The following CNMD variants were observed in gnomAD, a reference collection of about 807,000 sequenced individuals.
The protein encoded by CNMD is chondromodulin.
CNMD carries 30 observed loss-of-function variants against 37.5 expected under a neutral mutation model. The observed-to-expected ratio is 0.80, with a 90% CI of 0.60 to 1.09. CNMD has a LOEUF of 1.09. CNMD is among the 50% of genes least tolerant of loss of function. The pLI is 0.00. For missense variants in CNMD, 398 were observed against 423.9 expected (o/e 0.94, Z 0.54); for synonymous variants, 167 against 148.2 (o/e 1.13, Z -0.92).
At chr13:52,711,939 T>C (rs1303815649) in intron 5 of CNMD, among the ~76,000 whole-genome samples, 1 of 106,828 alleles carries the variant, frequency 9.4e-6, no homozygotes, top group Non-Finnish European at 2.0e-5. Context: ...ATTTCCATGC[T>C]GCTGTCTGCT....
chr13:52,730,394 C>T (rs112561000), intron 3 of CNMD, among the ~76,000 whole-genome samples: 5,936 of 152,116 alleles, frequency 0.039, 158 homozygotes, highest in Admixed American at 0.093. Flanking sequence ...TGAGTAATCG[C>T]CACACTGACT....
intron 5 of CNMD, among the ~76,000 whole-genome samples, chr13:52,709,864 T>C (rs1254033391): frequency 2.0e-5 from 3 of 152,056 alleles, no homozygotes; most frequent in Non-Finnish European, 4.4e-5. Context: ...TCCCAGCTAC[T>C]TGGGAGGCTG....
chr13:52,725,974 A>C (rs549224925), intron 3 of CNMD, among the ~76,000 whole-genome samples: 2 of 152,334 alleles, frequency 1.3e-5, no homozygotes, highest in African/African-American at 4.8e-5. Flanking sequence ...TTCTTCCTCA[A>C]GCTCTTTATT....
chr13:52,739,698 T>C lies in CNMD; in HGVS notation c.4A>G (p.Thr2Ala). The change falls in exon 1 of 7, where the codon ACA becomes GCA. Residue 2 changes from threonine (T) to alanine (A), a missense_variant. Thr to Ala is a moderately conservative substitution (Grantham distance 58). Coordinates refer to ENST00000377962, the MANE Select transcript of CNMD (RefSeq NM_007015.3). This position sits in a 1 kb window ranked among gnomAD's most constrained non-coding sequence, Gnocchi z 5.4. Reference sequence around the variant, plus strand: ...ATGGGAACTTTGTCGGAGTTCTCTGTCATGTTTGCGGCGGGAGGAGTGAGG... The same window carrying C: ...ATGGGAACTTTGTCGGAGTTCTCTGCCATGTTTGCGGCGGGAGGAGTGAGG... Reference protein sequence around the residue: MTENSDKVPIAL... With the variant: MAENSDKVPIAL... 6.2e-7 allele frequency: 1 copy of C among 1,614,098 alleles called. No homozygotes were observed. Among genetic ancestry groups the C allele is most frequent in the Non-Finnish European group, 8.5e-7 (1 of 1,179,968 alleles).
chr13:52,724,300 G>A (rs769280024), intron 3 of CNMD, among the ~76,000 whole-genome samples, 190 bp from the exon 4 acceptor site: 14 of 151,802 alleles, frequency 9.2e-5, no homozygotes, highest in East Asian at 3.9e-4. Flanking sequence ...GCGGCCTGGC[G>A]CGGTGGCTCA....
chr13:52,724,090 A>G lies in CNMD; in HGVS notation c.375T>C (p.Phe125=). The G allele has an allele frequency of 6.2e-7, 1 of 1,613,804 alleles. No individual in the cohort carries two copies. ...DFQNGITGIR[F]AGGEKCYIKA... The stretch of plus-strand genomic sequence containing the variant: ...TAATGTAGCACTTCTCTCCTCCAGC[A>G]AAACGAATTCCTGTGATGCCCTATG... The change falls in exon 4 of 7, where the codon TTT becomes TTC. Residue 125 remains phenylalanine, a synonymous_variant. Transcript: ENST00000377962.
intron 6 of CNMD, among the ~76,000 whole-genome samples, chr13:52,705,898 T>C (rs1175202404): frequency 6.6e-6 from 1 of 152,234 alleles, no homozygotes; most frequent in African/African-American, 2.4e-5. Flanking sequence ...GTATTAAATT[T>C]TATTTGCCTA....
At chr13:52,704,009 T>C (rs954178933) in intron 6 of CNMD, among the ~76,000 whole-genome samples, 199 bp from the exon 7 acceptor site, 3 of 152,242 alleles carry the variant, frequency 2.0e-5, no homozygotes, top group Admixed American at 6.5e-5. Context: ...CCAAGGAATC[T>C]ACACCTACCT....
intron 5 of CNMD, among the ~76,000 whole-genome samples, chr13:52,709,470 G>A (rs1392218938): frequency 6.6e-6 from 1 of 152,194 alleles, no homozygotes; most frequent in African/African-American, 2.4e-5. Context: ...GTTTGCAAGG[G>A]AAATATCTTG....
At chr13:52,708,730 T>C (rs759332864) in intron 5 of CNMD, 28 bp from the exon 6 acceptor site, 1 of 1,513,334 alleles carries the variant, frequency 6.6e-7, no homozygotes, top group East Asian at 2.3e-5. Context: ...AATTAATCCC[T>C]TTATTTGAAT....
chr13:52,728,529 G>C (rs1964612953), intron 3 of CNMD, among the ~76,000 whole-genome samples: 1 of 152,178 alleles, frequency 6.6e-6, no homozygotes, highest in Admixed American at 6.5e-5. Flanking sequence ...AGGAATACAC[G>C]TGGAGAATAA....
chr13:52,732,451 A>AT (rs2138272595), intron 3 of CNMD, among the ~76,000 whole-genome samples: 1 of 152,310 alleles, frequency 6.6e-6, no homozygotes, highest in South Asian at 2.1e-4. Context: ...TGTAAATGAA[A>AT]TTTTTGTTAA....
chr13:52,732,958 A>G (rs1381055243), intron 3 of CNMD: 6 of 475,512 alleles, frequency 1.3e-5, no homozygotes, highest in Non-Finnish European at 1.9e-5. Context: ...ATCCTTATGT[A>G]CATGAATTCA....
chr13:52,709,693 C>A (rs1964261699), intron 5 of CNMD, among the ~76,000 whole-genome samples: 1 of 152,166 alleles, frequency 6.6e-6, no homozygotes, highest in African/African-American at 2.4e-5. Context: ...AAAATACAGG[C>A]CAGGAGCAGT....
intron 2 of CNMD, among the ~76,000 whole-genome samples, chr13:52,738,523 A>C (rs1317464838): frequency 1.3e-5 from 2 of 152,170 alleles, no homozygotes; most frequent in South Asian, 2.1e-4. Flanking sequence ...GAGAGAAGGG[A>C]ATGTTCATGG....
chr13:52,721,083 G>T (rs1303928973), intron 4 of CNMD, among the ~76,000 whole-genome samples: 2 of 152,086 alleles, frequency 1.3e-5, no homozygotes, highest in African/African-American at 4.8e-5. Flanking sequence ...ACTTCCTGGC[G>T]GCTTTGTTTA....
At chr13:52,707,196 T>A (rs1964196672) in intron 6 of CNMD, among the ~76,000 whole-genome samples, 1 of 152,190 alleles carries the variant, frequency 6.6e-6, no homozygotes. Context: ...GCCCAGCCTG[T>A]ATTTTTTATT....
intron 4 of CNMD, among the ~76,000 whole-genome samples, chr13:52,719,334 T>C (rs759163699): frequency 2.0e-5 from 3 of 152,206 alleles, no homozygotes; most frequent in Non-Finnish European, 2.9e-5. Flanking sequence ...ACATTTAAGG[T>C]TAATATTGTT....
chr13:52,719,286 CCTGT>C (rs1964441061), intron 4 of CNMD, among the ~76,000 whole-genome samples: 1 of 149,180 alleles, frequency 6.7e-6, no homozygotes, highest in Non-Finnish European at 1.5e-5. Flanking sequence ...ATTCAGTTTG[CCTGT>C]CTGTGTCTTT....
Sources: allele counts gnomAD v4.1 joint callset (sites outside exome capture counted in the v4.1 genomes callset), GRCh38; gene constraint gnomAD v4.1.1; non-coding constraint Gnocchi (gnomAD v3.1); transcripts MANE v1.5; gene names NCBI Gene and HGNC (gene_info 2026-07-23, HGNC 2026-07-21).